The following GOLPH3L variants were observed in gnomAD, a reference collection of about 807,000 sequenced individuals.
The protein encoded by GOLPH3L is Golgi phosphoprotein 3-like.
In GOLPH3L, 22 loss-of-function variants were observed where a neutral mutation model predicts 30.3. The observed-to-expected ratio is 0.73, with a 90% CI of 0.52 to 1.04. The LOEUF (loss-of-function observed/expected upper bound fraction) is 1.04, where lower values mean the gene tolerates loss of function less well. Among genes scored for constraint, GOLPH3L ranks in the 50% least tolerant of loss-of-function variants. The pLI is 0.00. For missense variants in GOLPH3L, 303 were observed against 345.8 expected, an observed-to-expected ratio of 0.88 and a Z score of 0.98; for synonymous variants, 120 against 128.2, an observed-to-expected ratio of 0.94 and a Z score of 0.43.
intron 2 of GOLPH3L, among the ~76,000 whole-genome samples, chr1:150,667,067 G>GA (rs1650525416): frequency 6.6e-6 from 1 of 152,094 alleles, no homozygotes; most frequent in Non-Finnish European, 1.5e-5. Flanking sequence ...ACACAACTGG[G>GA]AGCACATTTA....
chr1:150,678,560 C>G (rs1263057793), intron 2 of GOLPH3L, among the ~76,000 whole-genome samples: 1 of 152,038 alleles, frequency 6.6e-6, no homozygotes. Context: ...ATCTGCTCTA[C>G]TTTATCTGAA....
At chr1:150,668,546 CTAA>C (rs749733997) in intron 2 of GOLPH3L, among the ~76,000 whole-genome samples, 255 of 152,222 alleles carry the variant, frequency 1.7e-3, no homozygotes, top group Non-Finnish European at 3.0e-3. Context: ...CCACACCCAG[CTAA>C]TATTTGTATT....
intron 2 of GOLPH3L, among the ~76,000 whole-genome samples, chr1:150,688,398 G>A (rs1392224469): frequency 6.6e-6 from 1 of 150,598 alleles, no homozygotes; most frequent in Admixed American, 6.6e-5. Context: ...TCCAGTTGAT[G>A]TTCTTTTTTC....
intron 2 of GOLPH3L, among the ~76,000 whole-genome samples, chr1:150,676,178 T>A (rs901816590): frequency 2.0e-5 from 3 of 152,072 alleles, no homozygotes; most frequent in Non-Finnish European, 4.4e-5. Flanking sequence ...TTTCCGATGT[T>A]GCCCAAGCTA....
intron 2 of GOLPH3L, among the ~76,000 whole-genome samples, chr1:150,688,005 C>G (rs1651128902): frequency 6.6e-6 from 1 of 151,788 alleles, no homozygotes; most frequent in African/African-American, 2.4e-5. Flanking sequence ...AAATATTAAC[C>G]CAATAAAATA....
At chr1:150,688,879 C>T (rs1259412243) in intron 2 of GOLPH3L, among the ~76,000 whole-genome samples, 1 of 152,136 alleles carries the variant, frequency 6.6e-6, no homozygotes, top group African/African-American at 2.4e-5. Flanking sequence ...TGTTTCCTTC[C>T]TACTCAGAAC....
intron 4 of GOLPH3L, among the ~76,000 whole-genome samples, chr1:150,659,417 C>T (rs1650319989): frequency 6.6e-6 from 1 of 152,192 alleles, no homozygotes; most frequent in Non-Finnish European, 1.5e-5. Flanking sequence ...TGTTCTTAAA[C>T]CACAAACAAT....
intron 2 of GOLPH3L, among the ~76,000 whole-genome samples, chr1:150,673,520 C>T (rs1396116141): frequency 4.7e-5 from 7 of 150,202 alleles, no homozygotes; most frequent in Non-Finnish European, 8.9e-5. Context: ...GAGCTGAGAT[C>T]GCACCACTGC....
Position 150,648,098 on chromosome 1 carries a change from C to G in GOLPH3L, c.*223G>C. 2 of 451,312 alleles carry G rather than the reference C, an allele frequency of 4.4e-6. 1 individual carries two copies. The highest frequency in any genetic ancestry group is 1.2e-4 in the South Asian group (2 of 16,636). The allele number at this position is 451,312 out of a possible 1,614,324, so 28.0% of individuals were successfully genotyped here. Reference sequence around the variant, plus strand: ...TGTTCATTGGGTGTGTGTGGCTTCACCCAGTTTATTTACCTATGGAGTGGA... The same window carrying G: ...TGTTCATTGGGTGTGTGTGGCTTCAGCCAGTTTATTTACCTATGGAGTGGA... On this transcript the variant is annotated 3_prime_UTR_variant, in exon 5 of 5. Transcript: ENST00000271732.
chr1:150,694,043 G>C (rs1651286149), intron 2 of GOLPH3L: 1 of 323,538 alleles, frequency 3.1e-6, no homozygotes, highest in South Asian at 2.2e-5. Flanking sequence ...ATTTTTAGTA[G>C]AGACGGGGTT....
rs1019273564 is a variant in GOLPH3L at position 150,647,570 on chromosome 1, C to T, written c.*751G>A. The T allele has an allele frequency of 2.0e-5, 3 of 152,478 alleles. No homozygotes were observed. The South Asian group carries it at 6.2e-4, about 32-fold the overall frequency. 9.4% of individuals were successfully genotyped at this position (152,478 alleles called of 1,614,324 possible). On this transcript the variant is annotated 3_prime_UTR_variant, in exon 5 of 5. Transcript: ENST00000271732. ...AAGAATGGAAATTTTCATGCCACCC[C>T]CCTTCCTTCCTTACAAATTCTAATG...
At chr1:150,651,642 C>CAAAAAAAAAAAAAAAAAAAAAAT (rs59940841) in intron 4 of GOLPH3L, among the ~76,000 whole-genome samples, 5 of 60,850 alleles carry the variant, frequency 8.2e-5, no homozygotes, top group Admixed American at 4.2e-4. Context: ...GAGCGAAACT[C>CAAAAAAAAAAAAAAAAAAAAAAT]AAAAAAAAAA....
chr1:150,650,239 A>G (rs989837568), intron 4 of GOLPH3L, among the ~76,000 whole-genome samples: 6 of 152,200 alleles, frequency 3.9e-5, no homozygotes, highest in Non-Finnish European at 7.3e-5. Context: ...CCTTTGACTA[A>G]TAAGTGGCTT....
chr1:150,664,095 C>T (rs1221472771), intron 2 of GOLPH3L, among the ~76,000 whole-genome samples: 1 of 151,840 alleles, frequency 6.6e-6, no homozygotes, highest in Non-Finnish European at 1.5e-5. Context: ...ACCTCCTGGG[C>T]TCAAGCAATC....
At chr1:150,663,040 T>C (rs587726075) in intron 3 of GOLPH3L, among the ~76,000 whole-genome samples, 2 of 55,672 alleles carry the variant, frequency 3.6e-5, no homozygotes, top group South Asian at 2.0e-3. Context: ...TATTTCGTAA[T>C]TTTTTTTTTT....
At chr1:150,663,830 T>A (rs999965755) in intron 2 of GOLPH3L, 67 bp from the exon 3 acceptor site, 65 of 1,380,912 alleles carry the variant, frequency 4.7e-5, no homozygotes, top group Non-Finnish European at 6.1e-5. Context: ...GCAGGCACCC[T>A]AAGAACAGGC....
chr1:150,692,289 A>G (rs1049853283), intron 2 of GOLPH3L, among the ~76,000 whole-genome samples: 1 of 152,184 alleles, frequency 6.6e-6, no homozygotes, highest in African/African-American at 2.4e-5. Context: ...CTAAGGATTT[A>G]TTGTCTTTTA....
chr1:150,658,364 A>G (rs1308836366), intron 4 of GOLPH3L, among the ~76,000 whole-genome samples: 1 of 152,246 alleles, frequency 6.6e-6, no homozygotes, highest in Admixed American at 6.5e-5. Flanking sequence ...ACAAGGGCTG[A>G]CACAGAGAAC....
intron 4 of GOLPH3L, among the ~76,000 whole-genome samples, chr1:150,656,084 C>T (rs1320506345): frequency 1.3e-5 from 2 of 152,138 alleles, no homozygotes; most frequent in African/African-American, 4.8e-5. Context: ...TGAACCTACT[C>T]GTAAAAAATT....
Sources: gnomAD v4.1 joint callset for allele counts (sites outside exome capture counted in the v4.1 genomes callset) on GRCh38, gnomAD v4.1.1 for gene constraint, MANE v1.5 for transcripts, NCBI Gene and HGNC (gene_info 2026-07-23, HGNC 2026-07-21) for gene names.